C12orf75: variants seen among roughly 807,000 people sequenced by gnomAD.
C12orf75 encodes the protein chromosome 12 open reading frame 75.
In C12orf75, 4 loss-of-function variants were observed where a neutral mutation model predicts 11.4. The observed-to-expected ratio is 0.35, with a 90% confidence interval of 0.17 to 0.80. The LOEUF (loss-of-function observed/expected upper bound fraction) is 0.80. C12orf75 is among the 30% of genes least tolerant of loss of function. C12orf75 has a pLI of 0.52. For missense variants in C12orf75, 89 were observed against 80.4 expected (o/e 1.11, Z -0.41); for synonymous variants, 30 against 30.0 (o/e 1.00, Z 0.00).
At chr12:105,337,796 T>C (rs1019333008) in intron 1 of C12orf75, among the ~76,000 whole-genome samples, 7 of 152,204 alleles carry the variant, frequency 4.6e-5, no homozygotes, top group Non-Finnish European at 8.8e-5. Context: ...ATGCCTATTT[T>C]TTAGTAAAGT....
At chr12:105,348,679 G>A (rs75924647) in intron 2 of C12orf75, 53 bp downstream of exon 2, 45,037 of 1,281,460 alleles carry the variant, frequency 0.035, 1,033 homozygotes, top group South Asian at 0.065. Context: ...GGAAGTTGCT[G>A]TTTTTCATGA....
At chr12:105,342,417 G>A (rs1006970791) in intron 1 of C12orf75, among the ~76,000 whole-genome samples, 3 of 152,090 alleles carry the variant, frequency 2.0e-5, no homozygotes, top group Admixed American at 6.6e-5. Context: ...GAGCATAAAG[G>A]CCCTCACCAG....
At chr12:105,370,533 TAAAAG>T (rs138820485) in intron 5 of C12orf75, 96 bp from the exon 6 acceptor site, 22,161 of 453,036 alleles carry the variant, frequency 0.049, 675 homozygotes, top group African/African-American at 0.067. Flanking sequence ...GTGTTTTACT[TAAAAG>T]AAAGTAAATA....
chr12:105,337,793 T>G (rs1359582175), intron 1 of C12orf75, among the ~76,000 whole-genome samples: 1 of 152,188 alleles, frequency 6.6e-6, no homozygotes, highest in Non-Finnish European at 1.5e-5. Context: ...TTTATGCCTA[T>G]TTTTTAGTAA....
intron 1 of C12orf75, among the ~76,000 whole-genome samples, chr12:105,343,855 CA>C (rs1271591297): frequency 2.6e-5 from 4 of 152,114 alleles, no homozygotes; most frequent in African/African-American, 9.7e-5. Context: ...GCACATTTTA[CA>C]ATCATACACA....
intron 1 of C12orf75, among the ~76,000 whole-genome samples, chr12:105,346,373 T>C (rs189168045): frequency 2.2e-4 from 34 of 152,328 alleles, no homozygotes; most frequent in African/African-American, 7.2e-4. Flanking sequence ...ATCTCAATAC[T>C]TTTTGATTTA....
intron 5 of C12orf75, 111 bp downstream of exon 5, chr12:105,367,620 T>C (rs1784793186): frequency 3.0e-6 from 1 of 331,748 alleles, no homozygotes; most frequent in African/African-American, 2.1e-5. Flanking sequence ...CTTTACAATT[T>C]AAAGGAGGGG....
At chr12:105,362,583 C>T (rs529460565) in intron 2 of C12orf75, among the ~76,000 whole-genome samples, 73 of 147,122 alleles carry the variant, frequency 5.0e-4, no homozygotes, top group African/African-American at 1.4e-3. Flanking sequence ...AGGAGAATGG[C>T]GTGAACCTGG....
chr12:105,344,441 T>C (rs1169096919), intron 1 of C12orf75, among the ~76,000 whole-genome samples: 2 of 152,124 alleles, frequency 1.3e-5, no homozygotes, highest in Admixed American at 1.3e-4. Context: ...TCACCCCTCA[T>C]CTTTAAATGT....
chr12:105,360,037 A>T (rs1592883886), intron 2 of C12orf75, among the ~76,000 whole-genome samples: 1 of 152,126 alleles, frequency 6.6e-6, no homozygotes, highest in Non-Finnish European at 1.5e-5. Flanking sequence ...CCAGGCCCTG[A>T]TCTCTGAGGG....
At chr12:105,365,658 A>T in intron 2 of C12orf75, 149 bp from the exon 3 acceptor site, 1 of 637,996 alleles carries the variant, frequency 1.6e-6, no homozygotes, top group Non-Finnish European at 2.9e-6. Flanking sequence ...GAAACACTTG[A>T]TGGATAGTTT....
chr12:105,363,673 C>G (rs948544546), intron 2 of C12orf75, among the ~76,000 whole-genome samples: 1 of 151,196 alleles, frequency 6.6e-6, no homozygotes, highest in Non-Finnish European at 1.5e-5. Flanking sequence ...TGCAGGGAGC[C>G]GAGATTGTGC....
chr12:105,348,215 G>C (rs1487004528), intron 1 of C12orf75, among the ~76,000 whole-genome samples: 2 of 152,126 alleles, frequency 1.3e-5, no homozygotes, highest in Admixed American at 6.5e-5. Context: ...AGGAGTTGGA[G>C]AGCAGCCTGG....
At chr12:105,362,115 G>A (rs1247175088) in intron 2 of C12orf75, among the ~76,000 whole-genome samples, 2 of 152,150 alleles carry the variant, frequency 1.3e-5, no homozygotes, top group South Asian at 4.1e-4. Flanking sequence ...GGCCGGGCGC[G>A]GTGGCTCACG....
chr12:105,338,088 A>G (rs1041624711), intron 1 of C12orf75, among the ~76,000 whole-genome samples: 1 of 152,242 alleles, frequency 6.6e-6, no homozygotes, highest in African/African-American at 2.4e-5. Context: ...CTCCATATAG[A>G]CATGGCTTAA....
intron 2 of C12orf75, among the ~76,000 whole-genome samples, chr12:105,357,062 C>T (rs1449746073): frequency 6.6e-6 from 1 of 152,184 alleles, no homozygotes; most frequent in East Asian, 1.9e-4. Context: ...GCCCACCTTC[C>T]AGAACCCCGA....
At chr12:105,333,867 A>G (rs939518446) in intron 1 of C12orf75, among the ~76,000 whole-genome samples, 1 of 152,234 alleles carries the variant, frequency 6.6e-6, no homozygotes, top group Admixed American at 6.5e-5. Context: ...ACATATTATT[A>G]CAATACCCCT....
intron 2 of C12orf75, among the ~76,000 whole-genome samples, chr12:105,363,265 T>C (rs1212637750): frequency 6.6e-6 from 1 of 152,242 alleles, no homozygotes. Flanking sequence ...GCACTGTGCC[T>C]GACACACAGG....
At chr12:105,331,607 CACA>C (rs1892426103) in intron 1 of C12orf75, among the ~76,000 whole-genome samples, 1 of 151,946 alleles carries the variant, frequency 6.6e-6, no homozygotes, top group Non-Finnish European at 1.5e-5. Context: ...CACACACACA[CACA>C]CACACACACA....
Sources: gnomAD v4.1 joint callset for allele counts (sites outside exome capture counted in the v4.1 genomes callset) on GRCh38, gnomAD v4.1.1 for gene constraint, MANE v1.5 for transcripts, NCBI Gene and HGNC (gene_info 2026-07-23, HGNC 2026-07-21) for gene names.